SOS1: variants seen among roughly 807,000 people sequenced by gnomAD.
The protein encoded by SOS1 is SOS Ras/Rac guanine nucleotide exchange factor 1.
In SOS1, 25 loss-of-function variants were observed where a neutral mutation model predicts 157.6. The observed-to-expected ratio is 0.16, with a 90% CI of 0.12 to 0.22. SOS1 has a LOEUF of 0.22. SOS1 is among the 10% of genes least tolerant of loss of function. The pLI is 1.00. For synonymous variants in SOS1, 528 were observed against 534.0 expected (o/e 0.99, Z 0.16); for missense variants, 1,237 against 1,599.1 (o/e 0.77, Z 3.86).
chr2:39,028,657 A>G (rs1464450614), intron 8 of SOS1, among the ~76,000 whole-genome samples: 1 of 152,070 alleles, frequency 6.6e-6, no homozygotes, highest in Non-Finnish European at 1.5e-5. Flanking sequence ...ACTTTGAAAA[A>G]CCTCAATATT....
chr2:39,031,703 G>A (rs964228234), intron 8 of SOS1, among the ~76,000 whole-genome samples: 5 of 151,938 alleles, frequency 3.3e-5, no homozygotes, highest in South Asian at 2.1e-4. Context: ...AAGCCTGGGC[G>A]ACAGAGTGAG....
intron 17 of SOS1, among the ~76,000 whole-genome samples, chr2:39,000,660 A>G (rs886464143): frequency 1.3e-5 from 2 of 152,148 alleles, no homozygotes; most frequent in Non-Finnish European, 2.9e-5. Context: ...TCCACACTTC[A>G]GTCTACACTT....
chr2:39,106,003 G>A (rs1236612917), intron 1 of SOS1, among the ~76,000 whole-genome samples: 1 of 151,888 alleles, frequency 6.6e-6, no homozygotes, highest in Non-Finnish European at 1.5e-5. Flanking sequence ...AATCTCCTGA[G>A]CTCAAGAGTT....
intron 1 of SOS1, among the ~76,000 whole-genome samples, chr2:39,091,113 C>G (rs1180287074): frequency 6.6e-6 from 1 of 152,208 alleles, no homozygotes; most frequent in African/African-American, 2.4e-5. Flanking sequence ...AGGTGATCCA[C>G]CCGCCTTGGC....
chr2:39,121,131 AAG>A (rs942415287), upstream of SOS1: 15 of 153,430 alleles, frequency 9.8e-5, no homozygotes, highest in South Asian at 7.4e-4. Context: ...TCGAGAGAGA[AAG>A]AGAGAGAGAG....
At chr2:39,006,915 A>C in intron 16 of SOS1, 116 bp downstream of exon 16, 1 of 760,154 alleles carries the variant, frequency 1.3e-6, no homozygotes, top group Non-Finnish European at 2.3e-6. Context: ...CAGTCTTTTA[A>C]TCTACTACTG....
chr2:39,110,068 G>GTGTGTGTGTGTGTGTT lies in SOS1; in HGVS notation c.87+10267_87+10268insAACACACACACACACA, dbSNP rs1395301175. Among the ~76,000 whole-genome samples, 778 of 148,538 alleles carry GTGTGTGTGTGTGTGTT rather than the reference G, an allele frequency of 5.2e-3. 13 individuals are homozygous for GTGTGTGTGTGTGTGTT. The highest frequency in any genetic ancestry group is 0.019 in the African/African-American group (748 of 38,484). ...TGTGTGTGTGTGTGTGTGTGTGTGT[G>GTGTGTGTGTGTGTGTT]TGTGTGTGTGTATGTGCATGTATGT... On this transcript the variant is annotated intron_variant, in intron 1 of 22. Coordinates refer to ENST00000402219, the MANE Select transcript of SOS1 (RefSeq NM_005633.4).
chr2:39,056,151 T>C (rs6544194), intron 4 of SOS1, among the ~76,000 whole-genome samples: 140,918 of 152,278 alleles, frequency 0.93, 65,314 homozygotes, highest in African/African-American at 0.97. Context: ...AACTACTAGC[T>C]GGGTGTGGTG....
At chr2:39,086,588 T>A (rs893379955) in intron 1 of SOS1, among the ~76,000 whole-genome samples, 1 of 152,200 alleles carries the variant, frequency 6.6e-6, no homozygotes, top group African/African-American at 2.4e-5. Flanking sequence ...AGATATTAAA[T>A]CACTATAAAA....
At position 39,067,655 on chromosome 2, in the gene SOS1, A is replaced by G. The variant is rs775593761; in HGVS notation, c.186T>C (p.Ala62=). The change falls in exon 2 of 23, where the codon GCT becomes GCC. Residue 62 remains alanine, a synonymous_variant. Transcript: ENST00000402219. ...CTACATCTGAAGCACTTCGGGGCTG[A>G]GCTTGGCATAGCATATTTAATAATT... The part of the protein sequence containing the change: ...ILQLLNMLCQ[A]QPRSASDVEE... The G allele has an allele frequency of 1.2e-6, 2 of 1,613,272 alleles. No individual in the cohort carries two copies. The highest frequency in any genetic ancestry group is 2.2e-5 in the South Asian group (2 of 91,074).
At chr2:39,004,182 A>G (rs986080794) in intron 17 of SOS1, among the ~76,000 whole-genome samples, 1 of 152,054 alleles carries the variant, frequency 6.6e-6, no homozygotes, top group African/African-American at 2.4e-5. Context: ...TTGGGAGGCC[A>G]AGGTGGGCGG....
chr2:39,051,303 C>T lies in SOS1; in HGVS notation c.721-16G>A. 2.5e-6 allele frequency: 4 copies of T among 1,604,856 alleles called. No homozygotes were observed. Among genetic ancestry groups the T allele is most frequent in the Non-Finnish European group, 3.4e-6 (4 of 1,172,454 alleles). ...TTTCTACATCCTGTTTGGGGGAAAA[C>T]ACATTAATTCAGTGAGGCTGTATTA... On this transcript the variant is annotated splice_polypyrimidine_tract_variant and intron_variant, in intron 5 of 22. Transcript: ENST00000402219.
At position 38,996,928 on chromosome 2, in the gene SOS1, T is replaced by C; in HGVS notation, c.3075A>G (p.Pro1025=). 6.7e-7 allele frequency: 1 copy of C among 1,488,276 alleles called. No homozygotes were observed. Among genetic ancestry groups the C allele is most frequent in the Non-Finnish European group, 9.4e-7 (1 of 1,065,632 alleles). 92.2% of individuals were successfully genotyped at this position (1,488,276 alleles called of 1,614,324 possible). A position where few individuals can be genotyped will look rare whatever the true frequency, so the allele number is the denominator to read the frequency against. ...CAAATATACAAATGCTTACAAATCTTGGGAGAGGCTTAGGGTTTCGTGGTT... is the reference window on the plus strand; with the variant it reads ...CAAATATACAAATGCTTACAAATCTCGGGAGAGGCTTAGGGTTTCGTGGTT... The part of the protein sequence containing the change: ...EIEPRNPKPL[P]RFPKKYSYPL... Residue 1025 remains proline, a synonymous_variant, in exon 19 of 23, where the codon CCA becomes CCG. Transcript: ENST00000402219.
chr2:39,000,945 A>G (rs962737143), intron 17 of SOS1, among the ~76,000 whole-genome samples: 2 of 152,248 alleles, frequency 1.3e-5, no homozygotes, highest in East Asian at 3.8e-4. Flanking sequence ...AAATTTACAC[A>G]TAACAGAAGG....
chr2:38,985,790 G>C lies in SOS1; in HGVS notation c.*34C>G. 1 of 1,613,036 alleles carries C rather than the reference G, an allele frequency of 6.2e-7. No homozygotes were observed. The highest frequency in any genetic ancestry group is 8.5e-7 in the Non-Finnish European group (1 of 1,179,502). On this transcript the variant is annotated 3_prime_UTR_variant, in exon 23 of 23. Transcript: ENST00000402219. ...CATCCATTGCCAGCAATGGATTTGG[G>C]GCTAGGAAAATATACATCCCAGTAC...
At position 38,982,888 on chromosome 2, in the gene SOS1, C is replaced by T. The variant is rs745387900; in HGVS notation, c.*2936G>A. 3.9e-5 allele frequency: 6 copies of T among 152,184 alleles called. No individual in the cohort carries two copies. The highest frequency in any genetic ancestry group is 8.8e-5 in the Non-Finnish European group (6 of 67,966). The allele number at this position is 152,184 out of a possible 1,614,324, so 9.4% of individuals were successfully genotyped here. ...GAATCATAATATAGCCTCCAGCTGA[C>T]ATAGTAATTGTTCTCTGGGCTGTTG... On this transcript the variant is annotated 3_prime_UTR_variant, in exon 23 of 23. Coordinates refer to ENST00000402219, the MANE Select transcript of SOS1 (RefSeq NM_005633.4).
chr2:39,083,518 G>A (rs62142813), intron 1 of SOS1, among the ~76,000 whole-genome samples: 6,521 of 152,264 alleles, frequency 0.043, 221 homozygotes, highest in Non-Finnish European at 0.064. Flanking sequence ...GAATAGAGTA[G>A]CTGGAGCAAA....
At chr2:39,022,506 T>TGCAGGAAAGAAAATCAGTTTGAA (rs1558474079) in intron 10 of SOS1, 64 bp downstream of exon 10, 1 of 1,291,498 alleles carries the variant, frequency 7.7e-7, no homozygotes, top group Admixed American at 1.7e-5. Context: ...AATAAACCCA[T>TGCAGGAAAGAAAATCAGTTTGAA]GCAGGAAAGA....
At chr2:39,019,639 C>T (rs1362708792) in intron 10 of SOS1, among the ~76,000 whole-genome samples, 6 of 151,632 alleles carry the variant, frequency 4.0e-5, no homozygotes, top group Non-Finnish European at 8.9e-5. Flanking sequence ...AGCAAGTTAA[C>T]CACTTTCTAA....
Sources: allele counts gnomAD v4.1 joint callset (sites outside exome capture counted in the v4.1 genomes callset), GRCh38; gene constraint gnomAD v4.1.1; transcripts MANE v1.5; gene names NCBI Gene and HGNC (gene_info 2026-07-23, HGNC 2026-07-21).